Variants in BFSP2 observed in about 807,000 individuals in gnomAD.
BFSP2 encodes beaded filament structural protein 2, also known as phakinin.
A neutral mutation model predicts 44.9 loss-of-function variants in BFSP2; 38 were observed. That is an observed-to-expected ratio of 0.85 (90% CI 0.65 to 1.11). The LOEUF (loss-of-function observed/expected upper bound fraction) is 1.11, where lower values mean the gene tolerates loss of function less well. Among genes scored for constraint, BFSP2 ranks in the 50% least tolerant of loss-of-function variants. BFSP2 has a pLI of 0.00. For missense variants in BFSP2, 525 were observed against 533.0 expected, an observed-to-expected ratio of 0.99 and a Z score of 0.15; for synonymous variants, 197 against 209.9, an observed-to-expected ratio of 0.94 and a Z score of 0.53.
At chr3:133,424,218 T>G (rs1281311838) in intron 1 of BFSP2, among the ~76,000 whole-genome samples, 3,184 of 64,068 alleles carry the variant, frequency 0.05, 78 homozygotes, top group Non-Finnish European at 0.07. Flanking sequence ...GCTAATTTTT[T>G]TTTTTTTTTT....
rs1168844039 is a variant in BFSP2 at position 133,446,570 on chromosome 3, TTATATATATATATATATATATATATA to T, written c.490-702_490-677del. ...CCTATCAGAGCCTTCAGCTCACCAT[TTATATATATATATATATATATATATA>T]TATATATATATATATATATATATAT... is the stretch of plus-strand genomic sequence containing the variant. On this transcript the variant is annotated intron_variant, in intron 1 of 6. Transcript: ENST00000302334. 2.8e-3 allele frequency among the ~76,000 whole-genome samples: 62 copies of T among 22,364 alleles called. 1 individual carries two copies. Among genetic ancestry groups the T allele is most frequent in the African/African-American group, 3.5e-3 (46 of 13,084 alleles). The allele number at this position is 22,364 out of a possible 152,430, so 14.7% of individuals were successfully genotyped here.
chr3:133,400,274 G>A lies in BFSP2; in HGVS notation c.191G>A (p.Gly64Glu). ...GTCTATGTAGGAACAGCACCCAGTGGGTGCATAGGTGGCTTGGGTGCCCGT... is the reference window on the plus strand; with the variant it reads ...GTCTATGTAGGAACAGCACCCAGTGAGTGCATAGGTGGCTTGGGTGCCCGT... ...PGVYVGTAPS[G>E]CIGGLGARVT... Residue 64 changes from glycine to glutamate, a missense_variant, in exon 1 of 7, where the codon GGG (glycine) becomes GAG (glutamate). Physicochemically the swap from Gly to Glu is moderately conservative, Grantham distance 98. Transcript: ENST00000302334. The surrounding 1 kb of genome is among the most constrained non-coding windows in gnomAD (Gnocchi z 4.0). 1 of 1,613,994 alleles carries A rather than the reference G, an allele frequency of 6.2e-7. No individual in the cohort carries two copies. The highest frequency in any genetic ancestry group is 1.7e-5 in the Admixed American group (1 of 60,026).
At chr3:133,416,312 C>A (rs62280878) in intron 1 of BFSP2, among the ~76,000 whole-genome samples, 1 of 132,446 alleles carries the variant, frequency 7.6e-6, no homozygotes. Flanking sequence ...TGTCCTCTCC[C>A]CTCTACTCAC....
rs190338826 is a variant in BFSP2, at chr3:133,437,466, C to T, written c.490-9851C>T. ...TGAACCCAGGAGGTGGAGGTTGCGGCGAGCCGAGATCACGCCATTGCACTC... is the reference window on the plus strand; with the variant it reads ...TGAACCCAGGAGGTGGAGGTTGCGGTGAGCCGAGATCACGCCATTGCACTC... On this transcript the variant is annotated intron_variant, in intron 1 of 6. Coordinates refer to ENST00000302334, the MANE Select transcript of BFSP2 (RefSeq NM_003571.4). Among the ~76,000 whole-genome samples, 44 of 151,122 alleles carry T rather than the reference C, an allele frequency of 2.9e-4. No individual in the cohort carries two copies. The East Asian group carries it at 8.2e-3, about 28-fold the overall frequency.
chr3:133,474,155 C>T (rs1416495496), intron 6 of BFSP2, among the ~76,000 whole-genome samples: 1 of 152,166 alleles, frequency 6.6e-6, no homozygotes, highest in Non-Finnish European at 1.5e-5. Flanking sequence ...TCCTTGCCAA[C>T]TCTTTCCAGA....
At chr3:133,442,657 T>C (rs979375149) in intron 1 of BFSP2, among the ~76,000 whole-genome samples, 2 of 151,464 alleles carry the variant, frequency 1.3e-5, no homozygotes, top group East Asian at 3.9e-4. Context: ...TCAAGAGAGG[T>C]AGAGAGAAAT....
intron 1 of BFSP2, chr3:133,410,931 T>C (rs976907202): frequency 5.9e-5 from 9 of 152,940 alleles, no homozygotes; most frequent in Admixed American, 2.0e-4. Context: ...TTTGCCTTAA[T>C]AGTAAAGAAT....
chr3:133,421,837 G>A (rs527572250), intron 1 of BFSP2, among the ~76,000 whole-genome samples: 18 of 152,144 alleles, frequency 1.2e-4, no homozygotes, highest in African/African-American at 4.3e-4. Flanking sequence ...GGCTGGGCGT[G>A]GTGGCTCACG....
intron 1 of BFSP2, among the ~76,000 whole-genome samples, chr3:133,424,511 TG>T (rs34747898): frequency 0.84 from 127,615 of 151,998 alleles, 53,819 homozygotes; most frequent in Middle Eastern, 0.94. Context: ...CAAATACTTT[TG>T]CCCAGGTCCC....
chr3:133,408,234 C>CA (rs1025946965), intron 1 of BFSP2, among the ~76,000 whole-genome samples: 6 of 152,040 alleles, frequency 3.9e-5, no homozygotes, highest in African/African-American at 1.2e-4. Flanking sequence ...ACAGTTGACA[C>CA]AAAAAATAGA....
chr3:133,472,712 G>A, intron 6 of BFSP2, 147 bp downstream of exon 6: 2 of 887,570 alleles, frequency 2.3e-6, no homozygotes, highest in Non-Finnish European at 3.6e-6. Flanking sequence ...GCCTAGCTGT[G>A]TCCTTCCTTT....
chr3:133,430,740 G>A (rs1388003263), intron 1 of BFSP2, among the ~76,000 whole-genome samples: 1 of 151,966 alleles, frequency 6.6e-6, no homozygotes, highest in Non-Finnish European at 1.5e-5. Context: ...TGTCCCCTCA[G>A]TCCCAACCCC....
chr3:133,414,143 C>T (rs1354983663), intron 1 of BFSP2, among the ~76,000 whole-genome samples: 1 of 126,040 alleles, frequency 7.9e-6, no homozygotes, highest in African/African-American at 3.1e-5. Flanking sequence ...TCACCTTACT[C>T]ACCCCTGCCC....
intron 1 of BFSP2, chr3:133,429,538 A>G (rs2073687987): frequency 1.3e-5 from 2 of 152,226 alleles, no homozygotes; most frequent in Non-Finnish European, 2.9e-5. Flanking sequence ...AAAGTCCACC[A>G]ATGTCAATGT....
chr3:133,419,553 T>C (rs2073574339), intron 1 of BFSP2, among the ~76,000 whole-genome samples: 1 of 152,108 alleles, frequency 6.6e-6, no homozygotes, highest in Non-Finnish European at 1.5e-5. Flanking sequence ...ACTCTGTGAG[T>C]TCAGACTTTG....
intron 1 of BFSP2, among the ~76,000 whole-genome samples, chr3:133,402,477 T>A (rs2073369824): frequency 6.6e-6 from 1 of 152,040 alleles, no homozygotes; most frequent in Non-Finnish European, 1.5e-5. Context: ...CACCAAGACA[T>A]GCGACCTCTG....
chr3:133,473,438 CAAAAAAAAA>C (rs748691333), intron 6 of BFSP2, among the ~76,000 whole-genome samples: 871 of 73,150 alleles, frequency 0.012, 17 homozygotes, highest in Non-Finnish European at 0.012. Flanking sequence ...GAGGCAGCAG[CAAAAAAAAA>C]AAAAAAAAAA....
In BFSP2 at chr3:133,446,570, T is replaced by TTTTA. The variant is rs1559973751; in HGVS notation, c.490-746_490-745insTTAT. On this transcript the variant is annotated intron_variant, in intron 1 of 6. Transcript: ENST00000302334. ...CCTATCAGAGCCTTCAGCTCACCATTTATATATATATATATATATATATAT... is the reference window on the plus strand; with the variant it reads ...CCTATCAGAGCCTTCAGCTCACCATTTTTATATATATATATATATATATATATAT... 7.6e-4 allele frequency among the ~76,000 whole-genome samples: 17 copies of TTTTA among 22,384 alleles called. 7 individuals carry two copies. The highest frequency in any genetic ancestry group is 1.4e-3 in the Non-Finnish European group (9 of 6,562). 14.7% of individuals were successfully genotyped at this position (22,384 alleles called of 152,430 possible).
At chr3:133,458,551 C>G (rs1258546213) in intron 4 of BFSP2, among the ~76,000 whole-genome samples, 1 of 151,908 alleles carries the variant, frequency 6.6e-6, no homozygotes, top group Non-Finnish European at 1.5e-5. Flanking sequence ...AAAAATTAGC[C>G]GGGTGTGGTG....
Sources: allele counts gnomAD v4.1 joint callset (sites outside exome capture counted in the v4.1 genomes callset), GRCh38; gene constraint gnomAD v4.1.1; non-coding constraint Gnocchi (gnomAD v3.1); transcripts MANE v1.5; gene names NCBI Gene and HGNC (gene_info 2026-07-23, HGNC 2026-07-21).